FAM168A: variants seen among roughly 807,000 people sequenced by gnomAD.
The protein encoded by FAM168A is protein FAM168A.
A neutral mutation model predicts 28.5 loss-of-function variants in FAM168A; 3 were observed. The observed-to-expected ratio is 0.11, with a 90% CI of 0.05 to 0.27. FAM168A has a LOEUF of 0.27. FAM168A is among the 10% of genes least tolerant of loss of function. The probability of loss-of-function intolerance (pLI) is 1.00; values close to 1 mark genes in which losing one functional copy is unlikely to be tolerated. For synonymous variants in FAM168A, 122 were observed against 124.2 expected (o/e 0.98, Z 0.12); for missense variants, 222 against 311.5 (o/e 0.71, Z 2.16).
At position 73,454,554 on chromosome 11, in the gene FAM168A, G is replaced by A. The variant is rs1010987699; in HGVS notation, c.70+13851C>T. Among the ~76,000 whole-genome samples, 14 of 152,286 alleles carry A rather than the reference G, an allele frequency of 9.2e-5. No homozygotes were observed. The East Asian group carries it at 1.2e-3, about 13-fold the overall frequency. ...TAGCAGAAAAGAGCAGGCCCCTGGC[G>A]AAACCCCACCCTCAAGCCAAAAAGC... On this transcript the variant is annotated intron_variant, in intron 2 of 7. Transcript: ENST00000356467.
chr11:73,413,116 T>C (rs1265229390), intron 4 of FAM168A, among the ~76,000 whole-genome samples: 2 of 152,322 alleles, frequency 1.3e-5, no homozygotes, highest in South Asian at 2.1e-4. Context: ...AACTACCACA[T>C]GGTCACAAAT....
chr11:73,583,197 G>A (rs1194280051), intron 1 of FAM168A, among the ~76,000 whole-genome samples: 2 of 152,120 alleles, frequency 1.3e-5, no homozygotes, highest in Non-Finnish European at 2.9e-5. Flanking sequence ...CAGCTACTCG[G>A]GAGGCTGAGG....
intron 1 of FAM168A, among the ~76,000 whole-genome samples, chr11:73,511,223 A>G (rs376904175): frequency 1.6e-4 from 25 of 151,578 alleles, no homozygotes; most frequent in African/African-American, 5.8e-4. Context: ...AAGCTCCAGT[A>G]GCACTGAATT....
chr11:73,501,301 C>A (rs1049344257), intron 1 of FAM168A, among the ~76,000 whole-genome samples: 3 of 152,190 alleles, frequency 2.0e-5, no homozygotes, highest in Non-Finnish European at 4.4e-5. Context: ...AGAAAATTAA[C>A]AAGGATATTC....
chr11:73,505,586 G>A (rs1855101130), intron 1 of FAM168A, among the ~76,000 whole-genome samples: 1 of 152,120 alleles, frequency 6.6e-6, no homozygotes, highest in Non-Finnish European at 1.5e-5. Context: ...TAAAAGAAGG[G>A]CAAAGGGAAG....
chr11:73,490,921 G>T (rs925560492), intron 1 of FAM168A, among the ~76,000 whole-genome samples: 2 of 152,114 alleles, frequency 1.3e-5, no homozygotes, highest in Admixed American at 1.3e-4. Context: ...CCCAGTGCTA[G>T]AACAGCATCC....
chr11:73,442,977 T>TATAC (rs1293800082), intron 2 of FAM168A, among the ~76,000 whole-genome samples: 3 of 119,824 alleles, frequency 2.5e-5, no homozygotes, highest in East Asian at 4.7e-4. Context: ...TATATATATA[T>TATAC]ATATATATAT....
chr11:73,519,492 TTACA>T (rs1278474245), intron 1 of FAM168A, among the ~76,000 whole-genome samples: 5 of 152,208 alleles, frequency 3.3e-5, no homozygotes, highest in Non-Finnish European at 7.3e-5. Flanking sequence ...CATCCTATAA[TTACA>T]ACATGTAACA....
At chr11:73,481,035 C>A (rs1867961077) in intron 1 of FAM168A, among the ~76,000 whole-genome samples, 1 of 152,078 alleles carries the variant, frequency 6.6e-6, no homozygotes, top group African/African-American at 2.4e-5. Flanking sequence ...TTTCTGGTTT[C>A]TCTCACTCAT....
chr11:73,529,435 A>C (rs1378583478), intron 1 of FAM168A, among the ~76,000 whole-genome samples: 2 of 152,202 alleles, frequency 1.3e-5, no homozygotes, highest in African/African-American at 4.8e-5. Context: ...TAAATGACAG[A>C]TAATGTTTGT....
chr11:73,531,609 G>C (rs182563118), intron 1 of FAM168A, among the ~76,000 whole-genome samples: 52 of 152,180 alleles, frequency 3.4e-4, no homozygotes, highest in African/African-American at 1.0e-3. Context: ...GAGAGCCCCA[G>C]ACCAGAGAGG....
rs562165177 is a variant in FAM168A, at chr11:73,542,914, G to A, written c.-19+55009C>T. 3.9e-5 allele frequency among the ~76,000 whole-genome samples: 6 copies of A among 152,152 alleles called. No homozygotes were observed. In the South Asian group the frequency reaches 6.2e-4, roughly 16 times the overall value. On this transcript the variant is annotated intron_variant, in intron 1 of 7. Coordinates refer to ENST00000356467, the MANE Select transcript of FAM168A (RefSeq NM_015159.3). ...ACAACGGGAAAATTCTCCTCTTCTC[G>A]TTATTCTTTGAAAAACCAAGTACAT... is the stretch of plus-strand genomic sequence containing the variant.
intron 1 of FAM168A, among the ~76,000 whole-genome samples, chr11:73,586,531 G>A (rs1423857964): frequency 6.6e-6 from 1 of 152,198 alleles, no homozygotes; most frequent in East Asian, 1.9e-4. Flanking sequence ...CTAGCACAAT[G>A]TCGGTACACA....
chr11:73,550,274 A>C (rs1361324819), intron 1 of FAM168A, among the ~76,000 whole-genome samples: 1 of 152,236 alleles, frequency 6.6e-6, no homozygotes, highest in African/African-American at 2.4e-5. Context: ...ACCACAAAGG[A>C]GGGTCAGAAC....
intron 4 of FAM168A, among the ~76,000 whole-genome samples, chr11:73,419,034 T>C (rs1240005891): frequency 6.6e-6 from 1 of 152,028 alleles, no homozygotes; most frequent in East Asian, 1.9e-4. Context: ...ATGGTCTCAA[T>C]CTCCTGACCT....
At chr11:73,587,393 G>T (rs1275892455) in intron 1 of FAM168A, among the ~76,000 whole-genome samples, 1 of 151,926 alleles carries the variant, frequency 6.6e-6, no homozygotes, top group Non-Finnish European at 1.5e-5. Flanking sequence ...TTGGATGGCT[G>T]AGGCAGGAGA....
At chr11:73,480,729 C>CAACAACAAA (rs1251699927) in intron 1 of FAM168A, among the ~76,000 whole-genome samples, 6 of 152,174 alleles carry the variant, frequency 3.9e-5, no homozygotes, top group South Asian at 4.1e-4. Flanking sequence ...CAAACAACAA[C>CAACAACAAA]AACAACAAAA....
intron 1 of FAM168A, among the ~76,000 whole-genome samples, chr11:73,550,306 AGGT>A (rs1356137700): frequency 2.6e-5 from 4 of 152,338 alleles, no homozygotes; most frequent in African/African-American, 9.6e-5. Flanking sequence ...ATGGAATAGA[AGGT>A]GGGGAAACCA....
rs538494215 is a variant in FAM168A at position 73,432,636 on chromosome 11, G to T, written c.71-1866C>A. ...CATTTAAAAATACAATTATTTGGCCGGGCGCGGTGGCTCATGCCTGTAATC... is the reference window on the plus strand; with the variant it reads ...CATTTAAAAATACAATTATTTGGCCTGGCGCGGTGGCTCATGCCTGTAATC... On this transcript the variant is annotated intron_variant, in intron 2 of 7. Coordinates refer to ENST00000356467, the MANE Select transcript of FAM168A (RefSeq NM_015159.3). Among the ~76,000 whole-genome samples the T allele has an allele frequency of 2.0e-5, 3 of 151,932 alleles. No homozygotes were observed. In the East Asian group the frequency reaches 5.8e-4, roughly 29 times the overall value.
Sources: allele counts gnomAD v4.1 joint callset (sites outside exome capture counted in the v4.1 genomes callset), GRCh38; gene constraint gnomAD v4.1.1; transcripts MANE v1.5; gene names NCBI Gene and HGNC (gene_info 2026-07-23, HGNC 2026-07-21).